SLC44A5: variants seen among roughly 807,000 people sequenced by gnomAD.
SLC44A5 encodes solute carrier family 44 member 5.
SLC44A5 carries 57 observed loss-of-function variants against 101.8 expected under a neutral mutation model. The observed-to-expected ratio is 0.56, with a 90% confidence interval of 0.45 to 0.70. The LOEUF (loss-of-function observed/expected upper bound fraction) is 0.70. Ranked by LOEUF, SLC44A5 falls within the 30% of genes least tolerant of loss-of-function variation. The probability of loss-of-function intolerance (pLI) is 0.00; values close to 1 mark genes in which losing one functional copy is unlikely to be tolerated. For missense variants in SLC44A5, 737 were observed against 853.1 expected (o/e 0.86, Z 1.70); for synonymous variants, 281 against 290.9 (o/e 0.97, Z 0.35).
chr1:75,652,847 G>A, the SLC44A5 span, among the ~76,000 whole-genome samples: 1 of 152,016 alleles, frequency 6.6e-6, no homozygotes, highest in Non-Finnish European at 1.5e-5. Context: ...TTTCCTTCTT[G>A]ACAAAAGTAA....
At chr1:75,599,483 G>T (rs565620184) in intron 1 of SLC44A5, among the ~76,000 whole-genome samples, 60 of 152,264 alleles carry the variant, frequency 3.9e-4, no homozygotes, top group Non-Finnish European at 7.5e-4. Context: ...AAGTAGGGCT[G>T]AAGACCCACA....
the SLC44A5 span, among the ~76,000 whole-genome samples, chr1:75,690,680 A>T: frequency 6.6e-6 from 1 of 152,208 alleles, no homozygotes; most frequent in Admixed American, 6.5e-5. Flanking sequence ...CTAGGACCTC[A>T]TTATACACTC....
At chr1:75,621,398 G>A in the SLC44A5 span, among the ~76,000 whole-genome samples, 13 of 152,110 alleles carry the variant, frequency 8.5e-5, no homozygotes, top group Non-Finnish European at 1.5e-4. Context: ...ATGTTCCTAC[G>A]TGGAAGTATT....
At chr1:75,618,679 C>T in the SLC44A5 span, among the ~76,000 whole-genome samples, 1 of 152,184 alleles carries the variant, frequency 6.6e-6, no homozygotes, top group East Asian at 1.9e-4. Flanking sequence ...TGCTCCTCAG[C>T]TACAAACCTG....
At chr1:75,687,404 T>C in the SLC44A5 span, among the ~76,000 whole-genome samples, 1 of 152,102 alleles carries the variant, frequency 6.6e-6, no homozygotes, top group Admixed American at 6.6e-5. Context: ...CCTGGGTTCA[T>C]GCCATTCTCC....
At chr1:75,524,971 C>A (rs1670334210) in intron 2 of SLC44A5, among the ~76,000 whole-genome samples, 1 of 152,008 alleles carries the variant, frequency 6.6e-6, no homozygotes, top group African/African-American at 2.4e-5. Context: ...ATATATCCTG[C>A]TTCTTTAAGA....
intron 3 of SLC44A5, among the ~76,000 whole-genome samples, chr1:75,354,688 A>C (rs890890683): frequency 6.6e-6 from 1 of 152,188 alleles, no homozygotes; most frequent in African/African-American, 2.4e-5. Context: ...GATCACTCCG[A>C]CACAGAAAAG....
At chr1:75,408,536 G>T (rs1455930694) in intron 2 of SLC44A5, among the ~76,000 whole-genome samples, 1 of 152,098 alleles carries the variant, frequency 6.6e-6, no homozygotes, top group Admixed American at 6.6e-5. Context: ...CCATAAAAAA[G>T]AATGAGTTCA....
chr1:75,241,873 A>G (rs527652322), intron 9 of SLC44A5, 128 bp downstream of exon 9: 1 of 699,236 alleles, frequency 1.4e-6, no homozygotes, highest in Non-Finnish European at 2.4e-6. Flanking sequence ...CTGCTAATCA[A>G]CTCTGGGACT....
the SLC44A5 span, among the ~76,000 whole-genome samples, chr1:75,701,491 T>C: frequency 2.6e-5 from 4 of 152,126 alleles, no homozygotes; most frequent in South Asian, 6.2e-4. Context: ...AAATGAGGTA[T>C]TGATGGGATG....
At chr1:75,626,147 T>C in the SLC44A5 span, among the ~76,000 whole-genome samples, 2 of 152,158 alleles carry the variant, frequency 1.3e-5, no homozygotes, top group Non-Finnish European at 2.9e-5. Context: ...GGCAATGGAT[T>C]TATTTAGAGC....
the SLC44A5 span, among the ~76,000 whole-genome samples, chr1:75,616,379 C>A: frequency 6.6e-6 from 1 of 152,218 alleles, no homozygotes; most frequent in East Asian, 1.9e-4. Flanking sequence ...GCGGAGAGAC[C>A]GCGGCCATCT....
In SLC44A5 at chr1:75,280,450, T is replaced by TTTTATATTGTATATAA. The variant is rs1652425238; in HGVS notation, c.176-5409_176-5408insTTATATACAATATAAA. Among the ~76,000 whole-genome samples the TTTTATATTGTATATAA allele has an allele frequency of 8.5e-5, 8 of 94,354 alleles. 1 individual carries two copies. Among genetic ancestry groups the TTTTATATTGTATATAA allele is most frequent in the Admixed American group, 1.6e-4 (1 of 6,154 alleles). The allele number at this position is 94,354 out of a possible 152,430, so 61.9% of individuals were successfully genotyped here. ...TTGTATATATTATATATAGTATATA[T>TTTTATATTGTATATAA]TATATATAGTATATATAATATATAA... On this transcript the variant is annotated intron_variant, in intron 5 of 23. Transcript: ENST00000370859.
At chr1:75,478,509 C>G (rs1667590899) in intron 2 of SLC44A5, among the ~76,000 whole-genome samples, 1 of 152,092 alleles carries the variant, frequency 6.6e-6, no homozygotes, top group African/African-American at 2.4e-5. Context: ...GGAAACCCAT[C>G]TCACATGCAG....
chr1:75,267,021 G>T (rs989198634), intron 6 of SLC44A5, among the ~76,000 whole-genome samples: 8 of 152,286 alleles, frequency 5.3e-5, no homozygotes, highest in African/African-American at 1.7e-4. Context: ...GAACACAATA[G>T]ATCGAATCCA....
intron 3 of SLC44A5, among the ~76,000 whole-genome samples, chr1:75,366,437 C>T (rs1200565202): frequency 3.3e-5 from 5 of 152,156 alleles, no homozygotes; most frequent in African/African-American, 1.2e-4. Context: ...TTTTCTCTTG[C>T]TGCTTTCACA....
At chr1:75,629,340 A>G in the SLC44A5 span, among the ~76,000 whole-genome samples, 2 of 152,242 alleles carry the variant, frequency 1.3e-5, no homozygotes, top group Non-Finnish European at 2.9e-5. Flanking sequence ...AAACAAAACC[A>G]AATTCCAGAT....
intron 2 of SLC44A5, among the ~76,000 whole-genome samples, chr1:75,478,349 G>A (rs917673302): frequency 9.9e-5 from 15 of 152,156 alleles, no homozygotes; most frequent in East Asian, 3.9e-4. Context: ...ATGAACTAAC[G>A]AGCAAAATAA....
chr1:75,586,122 G>T (rs1015838550), intron 1 of SLC44A5, among the ~76,000 whole-genome samples: 1 of 152,170 alleles, frequency 6.6e-6, no homozygotes, highest in African/African-American at 2.4e-5. Context: ...TAAGCAGATT[G>T]TCCTGCCTAA....
Sources: allele counts gnomAD v4.1 joint callset (sites outside exome capture counted in the v4.1 genomes callset), GRCh38; gene constraint gnomAD v4.1.1; transcripts MANE v1.5; gene names NCBI Gene and HGNC (gene_info 2026-07-23, HGNC 2026-07-21).